Variants in GCGR observed in about 807,000 individuals in gnomAD.
The protein encoded by GCGR is glucagon receptor.
In GCGR, 41 loss-of-function variants were observed where a neutral mutation model predicts 56.1. The observed-to-expected ratio is 0.73, with a 90% CI of 0.57 to 0.95. The LOEUF (loss-of-function observed/expected upper bound fraction) is 0.95, where lower values mean the gene tolerates loss of function less well. Among genes scored for constraint, GCGR ranks in the 40% least tolerant of loss-of-function variants. The probability of loss-of-function intolerance (pLI) is 0.00; values close to 1 mark genes in which losing one functional copy is unlikely to be tolerated. For missense variants in GCGR, 595 were observed against 638.2 expected, an observed-to-expected ratio of 0.93 and a Z score of 0.73; for synonymous variants, 278 against 271.1, an observed-to-expected ratio of 1.03 and a Z score of -0.25.
chr17:81,813,028 G>A lies in GCGR; in HGVS notation c.1189G>A (p.Ala397Thr). Reference sequence around the variant, plus strand: ...CCTGTCTCTCCAGGGCCTGCTGGTGGCTGTCCTCTACTGCTTCCTCAACAA... The same window carrying A: ...CCTGTCTCTCCAGGGCCTGCTGGTGACTGTCCTCTACTGCTTCCTCAACAA... ...FLSSFQGLLV[A>T]VLYCFLNKEV... Residue 397 changes from alanine to threonine, a missense_variant, in exon 13 of 14, where the codon GCT becomes ACT. Ala to Thr is a moderately conservative substitution (Grantham distance 58). Coordinates refer to ENST00000400723, the MANE Select transcript of GCGR (RefSeq NM_000160.5). This position sits in a 1 kb window ranked among gnomAD's most constrained non-coding sequence, Gnocchi z 5.3. The A allele has an allele frequency of 6.5e-7, 1 of 1,536,418 alleles. No homozygotes were observed. Among genetic ancestry groups the A allele is most frequent in the Non-Finnish European group, 8.7e-7 (1 of 1,146,832 alleles).
At chr17:81,805,622 CATTGGGCACCTCGGGAACCCCCCT>C (rs2037945800) in intron 1 of GCGR, among the ~76,000 whole-genome samples, 11 of 146,892 alleles carry the variant, frequency 7.5e-5, no homozygotes, top group South Asian at 4.4e-4. Context: ...GGAACCCTCC[CATTGGGCACCTCGGGAACCCCCCT>C]ATTGGGCACC....
intron 1 of GCGR, among the ~76,000 whole-genome samples, chr17:81,805,737 T>C (rs1202436256): frequency 6.6e-6 from 1 of 151,994 alleles, no homozygotes; most frequent in African/African-American, 2.4e-5. Context: ...CTCAGCTGAC[T>C]CCAAGGCCTG....
chr17:81,812,022 G>T lies in GCGR; in HGVS notation c.878+76G>T. 3 of 1,526,562 alleles carry T rather than the reference G, an allele frequency of 2.0e-6. No homozygotes were observed. The Admixed American group carries it at 5.9e-5, about 30-fold the overall frequency. The allele number at this position is 1,526,562 out of a possible 1,614,324, so 94.6% of individuals were successfully genotyped here. A position where few individuals can be genotyped will look rare whatever the true frequency, so the allele number is the denominator to read the frequency against. On this transcript the variant is annotated intron_variant, in intron 9 of 13. Transcript: ENST00000400723. This position sits in a 1 kb window ranked among gnomAD's most constrained non-coding sequence, Gnocchi z 8.5. ...CGGCGCTCTGGCCTGAGGCAGGGAG[G>T]GGCCGGGGATGAGCCTGGTGCCTGG...
At position 81,813,611 on chromosome 17, in the gene GCGR, G is replaced by A. The variant is rs2038152590; in HGVS notation, c.1356G>A (p.Arg452=). The part of the protein sequence containing the change: ...GPPSKELQFG[R]GGGSQDSSAE... ...CCAGCAAGGAGCTGCAGTTTGGGAG[G>A]GGTGGTGGCAGCCAGGATTCATCTG... Residue 452 remains arginine, a synonymous_variant, in exon 14 of 14, where the codon AGG becomes AGA. Coordinates refer to ENST00000400723, the MANE Select transcript of GCGR (RefSeq NM_000160.5). The surrounding 1 kb of genome is among the most constrained non-coding windows in gnomAD (Gnocchi z 5.3). The A allele has an allele frequency of 6.5e-7, 1 of 1,536,542 alleles. No homozygotes were observed. The highest frequency in any genetic ancestry group is 2.0e-5 in the Admixed American group (1 of 50,996).
rs910451351 is a variant in GCGR at position 81,810,016 on chromosome 17, C to T, written c.163+132C>T. The stretch of plus-strand genomic sequence containing the variant: ...CCAAGGGGCCCTGTCATTCCTCAGG[C>T]CCCCACCACCGTGGGCAGGTGAGGT... On this transcript the variant is annotated intron_variant, in intron 3 of 13. Coordinates refer to ENST00000400723, the MANE Select transcript of GCGR (RefSeq NM_000160.5). The surrounding 1 kb of genome is among the most constrained non-coding windows in gnomAD (Gnocchi z 4.6). The T allele has an allele frequency of 5.4e-6, 4 of 736,306 alleles. No homozygotes were observed. Among genetic ancestry groups the T allele is most frequent in the African/African-American group, 1.7e-5 (1 of 57,876 alleles). 45.6% of individuals were successfully genotyped at this position (736,306 alleles called of 1,614,324 possible). A position where few individuals can be genotyped will look rare whatever the true frequency, so the allele number is the denominator to read the frequency against.
chr17:81,812,024 G>A lies in GCGR; in HGVS notation c.878+78G>A. ...GCGCTCTGGCCTGAGGCAGGGAGGG[G>A]CCGGGGATGAGCCTGGTGCCTGGGG... On this transcript the variant is annotated intron_variant, in intron 9 of 13. Transcript: ENST00000400723. The surrounding 1 kb of genome is among the most constrained non-coding windows in gnomAD (Gnocchi z 8.5). 7 of 1,523,078 alleles carry A rather than the reference G, an allele frequency of 4.6e-6. No homozygotes were observed. Among genetic ancestry groups the A allele is most frequent in the Non-Finnish European group, 6.2e-6 (7 of 1,135,520 alleles). 94.3% of individuals were successfully genotyped at this position (1,523,078 alleles called of 1,614,324 possible).
chr17:81,810,768 A>C lies in GCGR; in HGVS notation c.164-57A>C, dbSNP rs1470719708. On this transcript the variant is annotated intron_variant, in intron 3 of 13. Transcript: ENST00000400723. The surrounding 1 kb of genome is among the most constrained non-coding windows in gnomAD (Gnocchi z 4.6). ...AGAGAGGAGAGAGGCCTGCTGAGGG[A>C]GCCCCTTCTCCCACCCTGCCCTGCC... The C allele has an allele frequency of 3.4e-6, 5 of 1,454,928 alleles. No homozygotes were observed. Among genetic ancestry groups the C allele is most frequent in the Non-Finnish European group, 2.8e-6 (3 of 1,073,756 alleles). 90.1% of individuals were successfully genotyped at this position (1,454,928 alleles called of 1,614,324 possible).
At position 81,812,571 on chromosome 17, in the gene GCGR, A is replaced by C; in HGVS notation, c.949-6A>C. 6.5e-7 allele frequency: 1 copy of C among 1,536,182 alleles called. No individual in the cohort carries two copies. The highest frequency in any genetic ancestry group is 8.7e-7 in the Non-Finnish European group (1 of 1,146,626). On this transcript the variant is annotated splice_region_variant and splice_polypyrimidine_tract_variant and intron_variant, in intron 10 of 13. Transcript: ENST00000400723. This position sits in a 1 kb window ranked among gnomAD's most constrained non-coding sequence, Gnocchi z 8.5. ...GATGCCCCTGACTCGCACCCTTCTCACACAGATCAACTTCTTCATCTTCGT... is the reference window on the plus strand; with the variant it reads ...GATGCCCCTGACTCGCACCCTTCTCCCACAGATCAACTTCTTCATCTTCGT...
intron 1 of GCGR, chr17:81,805,091 C>A (rs2037926550): frequency 1.3e-5 from 2 of 152,338 alleles, no homozygotes; most frequent in African/African-American, 4.8e-5. Context: ...CCTTCCACTA[C>A]CTTCTCTGGT....
rs2038098341 is a variant in GCGR at position 81,811,510 on chromosome 17, A to G, written c.607A>G (p.Ser203Gly). Residue 203 changes from serine (S) to glycine (G), a missense_variant, in exon 7 of 14, where the codon AGC (serine) becomes GGC (glycine). By Grantham distance (56) the Ser-to-Gly change is moderately conservative. Transcript: ENST00000400723. This position sits in a 1 kb window ranked among gnomAD's most constrained non-coding sequence, Gnocchi z 5.8. ...VIDGLLRTRY[S>G]QKIGDDLSVS... ...TGATGGGCTGCTCAGGACCCGCTAC[A>G]GCCAGAAAATTGGCGACGACCTCAG... is the stretch of plus-strand genomic sequence containing the variant. The G allele has an allele frequency of 6.5e-7, 1 of 1,536,502 alleles. No individual in the cohort carries two copies. Among genetic ancestry groups the G allele is most frequent in the African/African-American group, 1.4e-5 (1 of 73,048 alleles).
rs1338428894 is a variant in GCGR, at chr17:81,811,710, C to T, written c.717C>T (p.Tyr239=). ...TGCAATATGGCATCGTGGCCAACTACTGCTGGCTGCTGGTGGAGGGCCTGT... is the reference window on the plus strand; with the variant it reads ...TGCAATATGGCATCGTGGCCAACTATTGCTGGCTGCTGGTGGAGGGCCTGT... ...VFMQYGIVAN[Y]CWLLVEGLYL... The change falls in exon 8 of 14, where the codon TAC becomes TAT. Residue 239 remains tyrosine (Y), a synonymous_variant. Transcript: ENST00000400723. The surrounding 1 kb of genome is among the most constrained non-coding windows in gnomAD (Gnocchi z 5.8). 3.2e-6 allele frequency: 5 copies of T among 1,543,670 alleles called. No individual in the cohort carries two copies. Among genetic ancestry groups the T allele is most frequent in the East Asian group, 2.4e-5 (1 of 41,288 alleles).
chr17:81,812,436 CCCACCAGCCCCAGGGCTATGTGG>C lies in GCGR; in HGVS notation c.949-138_949-116del. On this transcript the variant is annotated intron_variant, in intron 10 of 13. Coordinates refer to ENST00000400723, the MANE Select transcript of GCGR (RefSeq NM_000160.5). The surrounding 1 kb of genome is among the most constrained non-coding windows in gnomAD (Gnocchi z 8.5). ...CAGGCTGTTCCTCCCTGGCTGTGTGCCCACCAGCCCCAGGGCTATGTGGCCCAGGGCCTATCTTGCTGCCAGGC... is the reference window on the plus strand; with the variant it reads ...CAGGCTGTTCCTCCCTGGCTGTGTGCCCCAGGGCCTATCTTGCTGCCAGGC... 9.7e-7 allele frequency: 1 copy of C among 1,034,458 alleles called. No homozygotes were observed. Among genetic ancestry groups the C allele is most frequent in the Non-Finnish European group, 1.4e-6 (1 of 714,972 alleles). The allele number at this position is 1,034,458 out of a possible 1,614,324, so 64.1% of individuals were successfully genotyped here.
rs1007185593 is a variant in GCGR at position 81,811,872 on chromosome 17, G to T, written c.818-14G>T. 3 of 1,536,968 alleles carry T rather than the reference G, an allele frequency of 2.0e-6. No individual in the cohort carries two copies. The African/African-American group carries it at 4.1e-5, about 21-fold the overall frequency. On this transcript the variant is annotated splice_polypyrimidine_tract_variant and intron_variant, in intron 8 of 13. Coordinates refer to ENST00000400723, the MANE Select transcript of GCGR (RefSeq NM_000160.5). The surrounding 1 kb of genome is among the most constrained non-coding windows in gnomAD (Gnocchi z 5.8). ...TGACCAAGCCTTTGGGACCACAGCT[G>T]CTGCCCCCCACAGGTGCCCCCATGC...
In GCGR at chr17:81,811,648, C is replaced by T. The variant is rs1332925851; in HGVS notation, c.658-3C>T. 1 of 1,536,410 alleles carries T rather than the reference C, an allele frequency of 6.5e-7. No homozygotes were observed. The highest frequency in any genetic ancestry group is 8.7e-7 in the Non-Finnish European group (1 of 1,146,884). ...AGCCGCGCTCACACTGCACCTGTAC[C>T]AGGCGGTGGCTGGCTGCCGTGTGGC... On this transcript the variant is annotated splice_polypyrimidine_tract_variant and splice_region_variant and intron_variant, in intron 7 of 13. Transcript: ENST00000400723. The surrounding 1 kb of genome is among the most constrained non-coding windows in gnomAD (Gnocchi z 5.8).
intron 2 of GCGR, among the ~76,000 whole-genome samples, chr17:81,809,462 TCTGCCTGC>T: frequency 7.3e-6 from 1 of 137,722 alleles, no homozygotes; most frequent in Non-Finnish European, 1.5e-5. Context: ...TGCCTGTCTG[TCTGCCTGC>T]CTGTCTGCCT....
In GCGR at chr17:81,811,586, C is replaced by A; in HGVS notation, c.657+26C>A. On this transcript the variant is annotated intron_variant, in intron 7 of 13. Transcript: ENST00000400723. This position sits in a 1 kb window ranked among gnomAD's most constrained non-coding sequence, Gnocchi z 5.8. ...GTGAGCCCCCCTCGGCGGCCCCAGG[C>A]AGGTGGGTGGGTGGGCAGCCAGGCA... 1 of 1,536,122 alleles carries A rather than the reference C, an allele frequency of 6.5e-7. No homozygotes were observed. Among genetic ancestry groups the A allele is most frequent in the Non-Finnish European group, 8.7e-7 (1 of 1,146,784 alleles).
At chr17:81,809,909 C>T in intron 3 of GCGR, 25 bp downstream of exon 3, 1 of 1,481,894 alleles carries the variant, frequency 6.7e-7, no homozygotes, top group Non-Finnish European at 9.1e-7. Flanking sequence ...CAGAGCCTTT[C>T]AGCCTGTGCC....
rs781432846 is a variant in GCGR, at chr17:81,811,431, C to A, written c.528C>A (p.Ile176=). The A allele has an allele frequency of 5.2e-6, 8 of 1,536,414 alleles. No homozygotes were observed. Among genetic ancestry groups the A allele is most frequent in the Non-Finnish European group, 7.0e-6 (8 of 1,146,868 alleles). ...AGCTGCACTGCACCCGCAATGCCAT[C>A]CACGCGAATCTGTTTGCGTCCTTCG... ...LSKLHCTRNA[I]HANLFASFVL... The change falls in exon 7 of 14, where the codon ATC becomes ATA. Residue 176 remains isoleucine, a synonymous_variant. Transcript: ENST00000400723. This position sits in a 1 kb window ranked among gnomAD's most constrained non-coding sequence, Gnocchi z 5.8.
In GCGR at chr17:81,811,986, G is replaced by T; in HGVS notation, c.878+40G>T. 6.5e-7 allele frequency: 1 copy of T among 1,535,982 alleles called. No homozygotes were observed. Among genetic ancestry groups the T allele is most frequent in the Non-Finnish European group, 8.7e-7 (1 of 1,146,462 alleles). ...CTGGACAGCCTGGGGAGGGACCGGGGGGCTGGGGTGCGGCGCTCTGGCCTG... is the reference window on the plus strand; with the variant it reads ...CTGGACAGCCTGGGGAGGGACCGGGTGGCTGGGGTGCGGCGCTCTGGCCTG... On this transcript the variant is annotated intron_variant, in intron 9 of 13. Transcript: ENST00000400723. The surrounding 1 kb of genome is among the most constrained non-coding windows in gnomAD (Gnocchi z 5.8).
Sources: gnomAD v4.1 joint callset for allele counts (sites outside exome capture counted in the v4.1 genomes callset) on GRCh38, gnomAD v4.1.1 for gene constraint, Gnocchi (gnomAD v3.1) non-coding constraint, MANE v1.5 for transcripts, NCBI Gene and HGNC (gene_info 2026-07-23, HGNC 2026-07-21) for gene names.